The following LBHD1 variants were observed in gnomAD, a reference collection of about 807,000 sequenced individuals.
LBHD1 encodes LBH domain-containing protein 1.
LBHD1 carries 28 observed loss-of-function variants against 31.1 expected under a neutral mutation model. That is an observed-to-expected ratio of 0.90 (90% CI 0.67 to 1.24). The LOEUF is 1.24. Ranked by LOEUF, LBHD1 falls within the 50% of genes most tolerant of loss-of-function variation. The pLI is 0.00. For synonymous variants in LBHD1, 105 were observed against 116.5 expected, an observed-to-expected ratio of 0.90 and a Z score of 0.63; for missense variants, 350 against 323.0, an observed-to-expected ratio of 1.08 and a Z score of -0.64.
chr11:62,670,204 G>T, intron 1 of LBHD1, 163 bp from the exon 2 acceptor site: 1 of 710,174 alleles, frequency 1.4e-6, no homozygotes, highest in Non-Finnish European at 2.2e-6. Flanking sequence ...GGTGAGATAG[G>T]ATCTTTATTT....
intron 1 of LBHD1, 58 bp from the exon 2 acceptor site, chr11:62,670,099 A>C: frequency 6.6e-7 from 1 of 1,505,942 alleles, no homozygotes; most frequent in Non-Finnish European, 8.9e-7. Context: ...TGCACCCCAC[A>C]AACTGTTCCT....
At chr11:62,665,299 C>G (rs1944765620) in intron 4 of LBHD1, 3 of 715,156 alleles carry the variant, frequency 4.2e-6, no homozygotes, top group East Asian at 2.7e-5. Flanking sequence ...AGGAGCTCCG[C>G]GGTGCGGGAG....
In LBHD1 at chr11:62,665,449, TGTG is replaced by T. The variant is rs1427529312; in HGVS notation, c.539-479_539-477del. 4 of 1,559,286 alleles carry T rather than the reference TGTG, an allele frequency of 2.6e-6. No individual in the cohort carries two copies. In the East Asian group the frequency reaches 9.2e-5, roughly 36 times the overall value. On this transcript the variant is annotated intron_variant, in intron 4 of 6. Transcript: ENST00000354588. The stretch of plus-strand genomic sequence containing the variant: ...TCCTTTTCTTGGCGGGGATCGGGCT[TGTG>T]GTGCCGCTCCCCGTAATGTACGGAG...
In LBHD1 at chr11:62,663,338, T is replaced by A. The variant is rs766276328; in HGVS notation, c.664-5A>T. The A allele has an allele frequency of 1.9e-6, 3 of 1,612,638 alleles. No individual in the cohort carries two copies. Among genetic ancestry groups the A allele is most frequent in the Non-Finnish European group, 1.7e-6 (2 of 1,179,352 alleles). ...ATGTTGGCACGTGCACTGGACCTGA[T>A]GGGTAAGTGGAAATAAAGAGAGCTA... is the stretch of plus-strand genomic sequence containing the variant. On this transcript the variant is annotated splice_polypyrimidine_tract_variant and splice_region_variant and intron_variant, in intron 5 of 6. Transcript: ENST00000354588.
At chr11:62,666,856 G>A in intron 4 of LBHD1, 1 of 1,614,116 alleles carries the variant, frequency 6.2e-7, no homozygotes, top group Non-Finnish European at 8.5e-7. Context: ...GTCTGCCTAG[G>A]GCTTACCAGC....
intron 4 of LBHD1, chr11:62,665,337 G>A (rs368256980): frequency 3.5e-5 from 27 of 764,232 alleles, no homozygotes; most frequent in South Asian, 2.6e-4. Flanking sequence ...GAGCTAGTAA[G>A]TGTGGTTTTA....
In LBHD1 at chr11:62,667,506, G is replaced by A. The variant is rs1489276497; in HGVS notation, c.538+17C>T. ...AAACCTGGATGAGATATTTGAGGGG[G>A]AGGGAACAATACTTACCCTCAAAGC... On this transcript the variant is annotated intron_variant, in intron 4 of 6. Coordinates refer to ENST00000354588, the MANE Select transcript of LBHD1 (RefSeq NM_024099.5). 37 of 1,606,892 alleles carry A rather than the reference G, an allele frequency of 2.3e-5. No homozygotes were observed. The highest frequency in any genetic ancestry group is 3.1e-5 in the Non-Finnish European group (36 of 1,173,468).
At position 62,667,578 on chromosome 11, in the gene LBHD1, AACACGGGAGCCTGTTGAGT is replaced by A; in HGVS notation, c.464_482del (p.Asp155ValfsTer130). ...AATATTCCACAAAGCCACTTCTACA[AACACGGGAGCCTGTTGAGT>A]CCCAGAAGGGACAGTGGTTGGTGGC... On this transcript the variant is annotated frameshift_variant, in exon 4 of 7. Coordinates refer to ENST00000354588, the MANE Select transcript of LBHD1 (RefSeq NM_024099.5). LOFTEE classifies it high-confidence loss of function. The A allele has an allele frequency of 1.2e-6, 2 of 1,614,212 alleles. No homozygotes were observed. The highest frequency in any genetic ancestry group is 1.7e-6 in the Non-Finnish European group (2 of 1,180,042).
chr11:62,669,155 T>C (rs1363553489), intron 3 of LBHD1, among the ~76,000 whole-genome samples: 1 of 152,034 alleles, frequency 6.6e-6, no homozygotes, highest in African/African-American at 2.4e-5. Context: ...CTCCTGACCT[T>C]GTGATCTGCC....
intron 4 of LBHD1, 163 bp from the exon 5 acceptor site, chr11:62,665,136 G>A: frequency 9.4e-7 from 1 of 1,063,186 alleles, no homozygotes; most frequent in Non-Finnish European, 1.4e-6. Flanking sequence ...GTCACCGTTC[G>A]GGGCCGGTTG....
intron 3 of LBHD1, chr11:62,668,146 T>A (rs1451797029): frequency 1.1e-5 from 2 of 182,618 alleles, no homozygotes; most frequent in Non-Finnish European, 2.4e-5. Context: ...AAAGGGGAAG[T>A]ACCTTCATTG....
chr11:62,665,096 T>C, intron 4 of LBHD1, 123 bp from the exon 5 acceptor site: 1 of 1,427,758 alleles, frequency 7.0e-7, no homozygotes, highest in Non-Finnish European at 9.6e-7. Context: ...TCAGGAACGC[T>C]TGAGGAAACA....
chr11:62,669,792 T>C lies in LBHD1; in HGVS notation c.162A>G (p.Gln54=). The change falls in exon 3 of 7, where the codon CAA becomes CAG. Residue 54 remains glutamine (Q), a synonymous_variant. Coordinates refer to ENST00000354588, the MANE Select transcript of LBHD1 (RefSeq NM_024099.5). Reference sequence around the variant, plus strand: ...CCACAATAGACGGCAGATGGGACTTTTGAGAGAAATCCTGAATAGGGACAG... The same window carrying C: ...CCACAATAGACGGCAGATGGGACTTCTGAGAGAAATCCTGAATAGGGACAG... ...EGHQHIQDFS[Q]KSHLPSIVVE... 6.2e-7 allele frequency: 1 copy of C among 1,614,176 alleles called. No individual in the cohort carries two copies. The highest frequency in any genetic ancestry group is 1.1e-5 in the South Asian group (1 of 91,084).
rs1944694408 is a variant in LBHD1, at chr11:62,662,923, G to T, written c.*206C>A. 5.6e-6 allele frequency: 4 copies of T among 708,510 alleles called. 1 individual carries two copies. Among genetic ancestry groups the T allele is most frequent in the Non-Finnish European group, 9.3e-6 (4 of 430,424 alleles). 43.9% of individuals were successfully genotyped at this position (708,510 alleles called of 1,614,324 possible). On this transcript the variant is annotated 3_prime_UTR_variant, in exon 7 of 7. Transcript: ENST00000354588. Reference sequence around the variant, plus strand: ...TCCCAAAGACATCCCTCTAGGGGAGGTCAGTAGGCCATTAGGTAGGAGGAA... The same window carrying T: ...TCCCAAAGACATCCCTCTAGGGGAGTTCAGTAGGCCATTAGGTAGGAGGAA...
chr11:62,664,219 G>A (rs748789595), intron 5 of LBHD1, among the ~76,000 whole-genome samples: 3 of 151,416 alleles, frequency 2.0e-5, no homozygotes, highest in Non-Finnish European at 4.4e-5. Context: ...AGTTTTATGC[G>A]CCTATGTGTG....
chr11:62,665,047 G>A (rs539012658), intron 4 of LBHD1, 74 bp from the exon 5 acceptor site: 1 of 1,588,276 alleles, frequency 6.3e-7, no homozygotes, highest in Non-Finnish European at 8.5e-7. Context: ...AGGCAGCCCC[G>A]GCCCCTCACT....
Position 62,669,607 on chromosome 11 carries a change from C to A in LBHD1, c.313+34G>T, listed in dbSNP as rs747634709. ...TTGGCTCTGCCCAGAACATTCAGCTCACAGTGGCCCCCTGAATGAGCCACC... is the reference window on the plus strand; with the variant it reads ...TTGGCTCTGCCCAGAACATTCAGCTAACAGTGGCCCCCTGAATGAGCCACC... On this transcript the variant is annotated intron_variant, in intron 3 of 6. Coordinates refer to ENST00000354588, the MANE Select transcript of LBHD1 (RefSeq NM_024099.5). 118 of 1,591,618 alleles carry A rather than the reference C, an allele frequency of 7.4e-5. 2 individuals carry two copies. In the South Asian group the frequency reaches 1.3e-3, roughly 18 times the overall value.
chr11:62,669,666 G>T lies in LBHD1; in HGVS notation c.288C>A (p.Phe96Leu). The T allele has an allele frequency of 6.2e-7, 1 of 1,614,046 alleles. No individual in the cohort carries two copies. The highest frequency in any genetic ancestry group is 8.5e-7 in the Non-Finnish European group (1 of 1,179,956). Residue 96 changes from phenylalanine (F) to leucine (L), a missense_variant, in exon 3 of 7, where the codon TTC (phenylalanine) becomes TTA (leucine). By Grantham distance (22) the Phe-to-Leu change is conservative. Coordinates refer to ENST00000354588, the MANE Select transcript of LBHD1 (RefSeq NM_024099.5). ...TDGEEEDAEAFFQDQSEEPGW... is the reference protein window; with the variant it reads ...TDGEEEDAEALFQDQSEEPGW... ...CTGGCTCTTCACTTTGGTCTTGGAAGAAGGCCTCAGCATCCTCTTCCTCAC... is the reference window on the plus strand; with the variant it reads ...CTGGCTCTTCACTTTGGTCTTGGAATAAGGCCTCAGCATCCTCTTCCTCAC...
At chr11:62,665,758 C>T (rs1590848058) in intron 4 of LBHD1, 2 of 1,505,178 alleles carry the variant, frequency 1.3e-6, no homozygotes, top group Non-Finnish European at 8.9e-7. Context: ...TTCGGGGAAG[C>T]TGTACGCCGC....
Sources: gnomAD v4.1 joint callset for allele counts (sites outside exome capture counted in the v4.1 genomes callset) on GRCh38, gnomAD v4.1.1 for gene constraint, MANE v1.5 for transcripts, NCBI Gene and HGNC (gene_info 2026-07-23, HGNC 2026-07-21) for gene names.